GLIS3: variants seen among roughly 807,000 people sequenced by gnomAD.
GLIS3 encodes the protein zinc finger protein GLIS3.
In GLIS3, 53 loss-of-function variants were observed where a neutral mutation model predicts 78.6. That is an observed-to-expected ratio of 0.67 (90% confidence interval 0.54 to 0.85). The LOEUF is 0.85. Ranked by LOEUF, GLIS3 falls within the 40% of genes least tolerant of loss-of-function variation. GLIS3 has a pLI of 0.00. For missense variants in GLIS3, 1,703 were observed against 1,231.1 expected (o/e 1.38, Z -5.74); for synonymous variants, 684 against 509.9 (o/e 1.34, Z -4.60).
intron 4 of GLIS3, among the ~76,000 whole-genome samples, chr9:4,024,208 T>G (rs1823119614): frequency 6.6e-6 from 1 of 152,136 alleles, no homozygotes; most frequent in African/African-American, 2.4e-5. Flanking sequence ...TGTCTGCAGG[T>G]GTTCAGACCG....
chr9:3,976,091 C>T lies in GLIS3; in HGVS notation c.1711-38902G>A, dbSNP rs951762515. On this transcript the variant is annotated intron_variant, in intron 4 of 10. Transcript: ENST00000381971. ...GGAAATCAGGCACATTTGGAACCAT[C>T]CCTAGAAGATTTTGGTTTCTTTAAA... is the stretch of plus-strand genomic sequence containing the variant. Among the ~76,000 whole-genome samples, 4 of 152,056 alleles carry T rather than the reference C, an allele frequency of 2.6e-5. No individual in the cohort carries two copies. In the East Asian group the frequency reaches 7.7e-4, roughly 29 times the overall value.
chr9:4,270,895 GT>G (rs1826442205), intron 2 of GLIS3, among the ~76,000 whole-genome samples: 1 of 342 alleles, frequency 2.9e-3, no homozygotes, highest in Non-Finnish European at 6.9e-3. Context: ...TGTGGTGTGT[GT>G]GTGTGTGTGT....
the GLIS3 span, among the ~76,000 whole-genome samples, chr9:4,462,632 CAG>C: frequency 1.5e-4 from 21 of 139,064 alleles, no homozygotes; most frequent in African/African-American, 3.9e-4. Context: ...CACACACACA[CAG>C]ACACGCACAC....
At chr9:4,077,433 GT>G (rs1828173193) in intron 4 of GLIS3, among the ~76,000 whole-genome samples, 1 of 152,128 alleles carries the variant, frequency 6.6e-6, no homozygotes, top group South Asian at 2.1e-4. Context: ...ACTGGGCATA[GT>G]TGGCCTGGAG....
Position 4,013,427 on chromosome 9 carries a change from T to C in GLIS3, c.1711-76238A>G, listed in dbSNP as rs190981583. Among the ~76,000 whole-genome samples the C allele has an allele frequency of 2.3e-3, 357 of 152,370 alleles. 1 individual carries two copies. The highest frequency in any genetic ancestry group is 4.6e-3 in the Admixed American group (71 of 15,308). ...TTAAGATTCAAGGTATACTTTCTTA[T>C]GATATAATCAATTGTCTGTCCTTGG... is the stretch of plus-strand genomic sequence containing the variant. On this transcript the variant is annotated intron_variant, in intron 4 of 10. Transcript: ENST00000381971.
the GLIS3 span, among the ~76,000 whole-genome samples, chr9:4,454,168 AAAG>A: frequency 1.3e-5 from 2 of 150,372 alleles, no homozygotes; most frequent in Non-Finnish European, 1.5e-5. Flanking sequence ...AAAAAAAAAA[AAAG>A]AAGAAAGAAA....
At chr9:4,247,948 T>C (rs181980355) in intron 2 of GLIS3, among the ~76,000 whole-genome samples, 84 of 152,328 alleles carry the variant, frequency 5.5e-4, no homozygotes, top group Middle Eastern at 3.4e-3. Context: ...CAACATATTA[T>C]TGATTACAGT....
the GLIS3 span, among the ~76,000 whole-genome samples, chr9:4,476,748 G>C: frequency 6.6e-6 from 1 of 151,704 alleles, no homozygotes; most frequent in African/African-American, 2.4e-5. Context: ...ATAAGTACTT[G>C]AATTAATGTT....
intron 2 of GLIS3, among the ~76,000 whole-genome samples, chr9:4,198,433 A>G (rs184976677): frequency 6.6e-6 from 1 of 152,164 alleles, no homozygotes; most frequent in Non-Finnish European, 1.5e-5. Flanking sequence ...TCATCAATAG[A>G]CTGAACCAAG....
the GLIS3 span, among the ~76,000 whole-genome samples, chr9:4,366,527 A>G: frequency 6.6e-6 from 1 of 152,158 alleles, no homozygotes; most frequent in East Asian, 1.9e-4. Context: ...TCTTTCCTGT[A>G]TTCAGAGAAG....
At chr9:3,904,081 T>C (rs907703142) in intron 6 of GLIS3, among the ~76,000 whole-genome samples, 1 of 152,142 alleles carries the variant, frequency 6.6e-6, no homozygotes, top group Admixed American at 6.5e-5. Flanking sequence ...TGTCTCCCCT[T>C]CTTTGAGAGC....
At chr9:3,836,065 A>G (rs1041749133) in intron 9 of GLIS3, among the ~76,000 whole-genome samples, 3 of 152,224 alleles carry the variant, frequency 2.0e-5, no homozygotes, top group African/African-American at 7.2e-5. Context: ...AGGAACAAAT[A>G]AGGAAGTTTT....
At chr9:4,095,894 G>C (rs1367097112) in intron 4 of GLIS3, among the ~76,000 whole-genome samples, 1 of 151,610 alleles carries the variant, frequency 6.6e-6, no homozygotes, top group Non-Finnish European at 1.5e-5. Context: ...AGAAGTTGCT[G>C]TCCTGGTTTC....
chr9:3,949,576 A>AGGG (rs1816528464), intron 4 of GLIS3, among the ~76,000 whole-genome samples: 3 of 152,192 alleles, frequency 2.0e-5, no homozygotes, highest in African/African-American at 7.2e-5. Context: ...AAATTTACCA[A>AGGG]CAGTAACAAA....
chr9:3,824,464 A>G lies in GLIS3; in HGVS notation c.*3808T>C, dbSNP rs1817619594. The G allele has an allele frequency of 6.6e-6, 1 of 152,360 alleles. No individual in the cohort carries two copies. Among genetic ancestry groups the G allele is most frequent in the Non-Finnish European group, 1.5e-5 (1 of 68,036 alleles). The allele number at this position is 152,360 out of a possible 1,614,324, so 9.4% of individuals were successfully genotyped here. Reference sequence around the variant, plus strand: ...GACAGGCTGAAGGAGGATTTTAGGCAGGAGGGCGTCTTCTCTATTTCCAGT... The same window carrying G: ...GACAGGCTGAAGGAGGATTTTAGGCGGGAGGGCGTCTTCTCTATTTCCAGT... On this transcript the variant is annotated 3_prime_UTR_variant, in exon 11 of 11. Coordinates refer to ENST00000381971, the MANE Select transcript of GLIS3 (RefSeq NM_001042413.2).
the GLIS3 span, among the ~76,000 whole-genome samples, chr9:4,484,601 A>G: frequency 6.6e-6 from 1 of 151,632 alleles, no homozygotes; most frequent in Non-Finnish European, 1.5e-5. Flanking sequence ...TATTTTTAGT[A>G]GGGACAGGTT....
intron 4 of GLIS3, among the ~76,000 whole-genome samples, chr9:4,040,295 C>CA (rs1273704110): frequency 8.6e-6 from 1 of 116,266 alleles, no homozygotes; most frequent in Non-Finnish European, 1.9e-5. Context: ...GTAAAAAAAA[C>CA]AAAAAACAAA....
chr9:4,294,497 G>A (rs1034660230), intron 1 of GLIS3, among the ~76,000 whole-genome samples: 12 of 148,944 alleles, frequency 8.1e-5, no homozygotes, highest in Admixed American at 4.7e-4. Context: ...CAGCAAGAGC[G>A]AAATTATGTC....
At chr9:4,011,144 A>G (rs1298525549) in intron 4 of GLIS3, among the ~76,000 whole-genome samples, 2 of 152,190 alleles carry the variant, frequency 1.3e-5, no homozygotes, top group African/African-American at 2.4e-5. Flanking sequence ...GTAAAAGCAG[A>G]GTCCAAAATG....
Sources: allele counts gnomAD v4.1 joint callset (sites outside exome capture counted in the v4.1 genomes callset), GRCh38; gene constraint gnomAD v4.1.1; transcripts MANE v1.5; gene names NCBI Gene and HGNC (gene_info 2026-07-23, HGNC 2026-07-21).